The following CNTNAP2 variants were observed in gnomAD, a reference collection of about 807,000 sequenced individuals.
The protein encoded by CNTNAP2 is contactin-associated protein-like 2.
A neutral mutation model predicts 155.2 loss-of-function variants in CNTNAP2; 98 were observed. The observed-to-expected ratio is 0.63, with a 90% CI of 0.54 to 0.75. CNTNAP2 has a LOEUF of 0.75. CNTNAP2 is among the 30% of genes least tolerant of loss of function. CNTNAP2 has a pLI of 0.00. For synonymous variants in CNTNAP2, 651 were observed against 631.2 expected, an observed-to-expected ratio of 1.03 and a Z score of -0.47; for missense variants, 1,727 against 1,688.1, an observed-to-expected ratio of 1.02 and a Z score of -0.40.
intron 1 of CNTNAP2, among the ~76,000 whole-genome samples, chr7:146,563,494 A>G (rs772374802): frequency 6.6e-6 from 1 of 152,140 alleles, no homozygotes; most frequent in African/African-American, 2.4e-5. Flanking sequence ...TCCAGAGAGC[A>G]TGTTATAGAA....
intron 21 of CNTNAP2, among the ~76,000 whole-genome samples, chr7:148,334,955 G>A (rs760653305): frequency 6.6e-6 from 1 of 152,228 alleles, no homozygotes; most frequent in Non-Finnish European, 1.5e-5. Flanking sequence ...CCTTGAGTCT[G>A]TGTTTGAGGT....
intron 23 of CNTNAP2, among the ~76,000 whole-genome samples, chr7:148,413,430 AT>A (rs1799898642): frequency 9.7e-6 from 1 of 103,394 alleles, no homozygotes; most frequent in Non-Finnish European, 1.9e-5. Context: ...ATATATATAT[AT>A]ATATATATAT....
chr7:146,977,359 T>C (rs1178229361), intron 3 of CNTNAP2, among the ~76,000 whole-genome samples: 1 of 151,984 alleles, frequency 6.6e-6, no homozygotes, highest in East Asian at 1.9e-4. Flanking sequence ...TAAGAATGAA[T>C]AGAGAAGGAA....
intron 8 of CNTNAP2, among the ~76,000 whole-genome samples, chr7:147,165,088 G>A (rs1326857683): frequency 2.0e-5 from 3 of 152,120 alleles, no homozygotes; most frequent in South Asian, 4.1e-4. Flanking sequence ...TCCTGATATA[G>A]ATCCCTATTT....
At chr7:148,365,698 G>C (rs1398534694) in intron 21 of CNTNAP2, among the ~76,000 whole-genome samples, 1 of 123,740 alleles carries the variant, frequency 8.1e-6, no homozygotes, top group Non-Finnish European at 1.9e-5. Context: ...ATGTATATAT[G>C]TATACTTTTA....
intron 1 of CNTNAP2, among the ~76,000 whole-genome samples, chr7:146,120,187 T>C (rs537958721): frequency 6.6e-6 from 1 of 152,142 alleles, no homozygotes; most frequent in East Asian, 1.9e-4. Context: ...AAATGTAAAA[T>C]ATGTAAATGC....
intron 3 of CNTNAP2, among the ~76,000 whole-genome samples, chr7:146,893,307 T>C (rs1198319779): frequency 6.6e-6 from 1 of 151,992 alleles, no homozygotes; most frequent in African/African-American, 2.4e-5. Context: ...TTTATCGTGC[T>C]GAAGAGAGTT....
chr7:147,306,648 T>C (rs1027369519), intron 9 of CNTNAP2, among the ~76,000 whole-genome samples: 2 of 152,188 alleles, frequency 1.3e-5, no homozygotes, highest in Non-Finnish European at 2.9e-5. Flanking sequence ...ATCGTTACAT[T>C]TGGGTCCTTA....
At chr7:146,843,386 AC>A (rs1441709596) in intron 3 of CNTNAP2, among the ~76,000 whole-genome samples, 3 of 151,848 alleles carry the variant, frequency 2.0e-5, no homozygotes, top group Non-Finnish European at 2.9e-5. Flanking sequence ...CGGGAAGTCC[AC>A]CCCCGTGATC....
intron 1 of CNTNAP2, among the ~76,000 whole-genome samples, chr7:146,592,738 C>A (rs1319966877): frequency 2.6e-5 from 4 of 152,092 alleles, no homozygotes; most frequent in African/African-American, 9.7e-5. Flanking sequence ...GTACCAGACA[C>A]CTATTAACTT....
rs573824710 is a variant in CNTNAP2, at chr7:146,640,568, G to A, written c.98-133703G>A. On this transcript the variant is annotated intron_variant, in intron 1 of 23. Transcript: ENST00000361727. ...GGGAAATTTAGCAAATTAGTTTAAT[G>A]AGAATTATTGTGTTTATTTGGAGAC... Among the ~76,000 whole-genome samples the A allele has an allele frequency of 2.6e-5, 4 of 152,320 alleles. No homozygotes were observed. In the East Asian group the frequency reaches 7.7e-4, roughly 29 times the overall value.
chr7:147,900,582 A>ATCAT (rs1326714966), intron 13 of CNTNAP2, among the ~76,000 whole-genome samples: 6 of 152,064 alleles, frequency 3.9e-5, no homozygotes, highest in African/African-American at 1.4e-4. Flanking sequence ...GTAGTGTGAA[A>ATCAT]TCATTCTTGG....
chr7:146,146,435 A>T (rs1178128498), intron 1 of CNTNAP2, among the ~76,000 whole-genome samples: 2 of 152,134 alleles, frequency 1.3e-5, no homozygotes, highest in African/African-American at 4.8e-5. Context: ...TCTTCCTCTG[A>T]CCTATTCTAT....
intron 15 of CNTNAP2, among the ~76,000 whole-genome samples, chr7:148,028,684 A>G (rs1802415071): frequency 6.6e-6 from 1 of 152,212 alleles, no homozygotes; most frequent in Admixed American, 6.5e-5. Flanking sequence ...TGAACACTGA[A>G]TTTGTACTAA....
intron 10 of CNTNAP2, among the ~76,000 whole-genome samples, chr7:147,429,268 T>A (rs890839940): frequency 6.6e-6 from 1 of 152,114 alleles, no homozygotes; most frequent in Non-Finnish European, 1.5e-5. Flanking sequence ...TTTTAAATTA[T>A]GGCCATTCTT....
intron 3 of CNTNAP2, among the ~76,000 whole-genome samples, chr7:146,862,853 G>C (rs769980866): frequency 1.2e-4 from 18 of 152,176 alleles, no homozygotes; most frequent in Non-Finnish European, 2.5e-4. Flanking sequence ...CCACTCCAGG[G>C]TGTAATGTGG....
chr7:147,518,340 G>A (rs1438668458), intron 11 of CNTNAP2, among the ~76,000 whole-genome samples: 6 of 152,078 alleles, frequency 3.9e-5, no homozygotes, highest in Non-Finnish European at 7.4e-5. Flanking sequence ...GAGAGACTGG[G>A]GAGAGAAAAA....
At chr7:147,752,926 A>T (rs928332973) in intron 13 of CNTNAP2, among the ~76,000 whole-genome samples, 2 of 152,236 alleles carry the variant, frequency 1.3e-5, no homozygotes, top group African/African-American at 4.8e-5. Context: ...TCTGTAGAGC[A>T]GAATTCACTG....
chr7:147,382,256 T>C (rs897991710), intron 9 of CNTNAP2, among the ~76,000 whole-genome samples: 10 of 152,092 alleles, frequency 6.6e-5, no homozygotes. Flanking sequence ...AGGATCAGAT[T>C]AATATTTTTG....
Sources: gnomAD v4.1 joint callset for allele counts (sites outside exome capture counted in the v4.1 genomes callset) on GRCh38, gnomAD v4.1.1 for gene constraint, MANE v1.5 for transcripts, NCBI Gene and HGNC (gene_info 2026-07-23, HGNC 2026-07-21) for gene names.